The following ACADSB variants were observed in gnomAD, a reference collection of about 807,000 sequenced individuals.
ACADSB encodes acyl-CoA dehydrogenase short/branched chain, also known as short/branched chain specific acyl-CoA dehydrogenase, mitochondrial.
ACADSB carries 40 observed loss-of-function variants against 54.1 expected under a neutral mutation model. That is an observed-to-expected ratio of 0.74 (90% CI 0.57 to 0.96). The LOEUF is 0.96. Among genes scored for constraint, ACADSB ranks in the 40% least tolerant of loss-of-function variants. The pLI, the probability that ACADSB is intolerant of heterozygous loss-of-function variation, is 0.00. For missense variants in ACADSB, 530 were observed against 510.4 expected, an observed-to-expected ratio of 1.04 and a Z score of -0.37; for synonymous variants, 182 against 182.8, an observed-to-expected ratio of 1.00 and a Z score of 0.03.
intron 1 of ACADSB, among the ~76,000 whole-genome samples, chr10:123,025,770 A>G (rs1346277973): frequency 1.3e-5 from 2 of 152,192 alleles, no homozygotes; most frequent in Non-Finnish European, 2.9e-5. Flanking sequence ...AAATATAAGA[A>G]TGCCTGGCCC....
At chr10:123,010,779 A>G (rs1002276627) in intron 1 of ACADSB, among the ~76,000 whole-genome samples, 9 of 152,364 alleles carry the variant, frequency 5.9e-5, no homozygotes, top group African/African-American at 2.2e-4. Context: ...GCCAGATGTA[A>G]TAATGAATAA....
chr10:123,047,712 G>T (rs4447108), intron 8 of ACADSB, among the ~76,000 whole-genome samples: 149,798 of 152,324 alleles, frequency 0.98, 73,714 homozygotes, highest in Middle Eastern at 1. Context: ...ACTTACCCCG[G>T]TTTAAATGAG....
chr10:123,026,037 C>G (rs911140041), intron 1 of ACADSB, among the ~76,000 whole-genome samples: 5 of 151,986 alleles, frequency 3.3e-5, no homozygotes, highest in Non-Finnish European at 7.4e-5. Context: ...CCACTGCACT[C>G]CAGCCTGGGA....
rs35292198 is a variant in ACADSB at position 123,044,201 on chromosome 10, A to G, written c.808-192A>G. Among the ~76,000 whole-genome samples, 877 of 152,348 alleles carry G rather than the reference A, an allele frequency of 5.8e-3. 7 individuals carry two copies. The highest frequency in any genetic ancestry group is 0.01 in the Non-Finnish European group (706 of 68,028). On this transcript the variant is annotated intron_variant, in intron 6 of 10. Coordinates refer to ENST00000358776, the MANE Select transcript of ACADSB (RefSeq NM_001609.4). ...GTGCAAGGCTCTGGAGGATGCAATC[A>G]TGAACAGCATGGACTTGAGTCCTTT...
intron 1 of ACADSB, among the ~76,000 whole-genome samples, chr10:123,024,249 A>G (rs1355510355): frequency 6.6e-6 from 1 of 152,266 alleles, no homozygotes; most frequent in Non-Finnish European, 1.5e-5. Context: ...AGAATTTAGT[A>G]TAAGAAAAGA....
intron 1 of ACADSB, among the ~76,000 whole-genome samples, chr10:123,031,107 C>T (rs1037639060): frequency 5.3e-5 from 8 of 152,110 alleles, no homozygotes; most frequent in African/African-American, 1.9e-4. Flanking sequence ...ATATTTGCAC[C>T]AAATCAATGT....
At chr10:123,032,216 T>C (rs1279223033) in intron 1 of ACADSB, among the ~76,000 whole-genome samples, 1 of 151,978 alleles carries the variant, frequency 6.6e-6, no homozygotes, top group African/African-American at 2.4e-5. Flanking sequence ...CCTGACCTAT[T>C]GATCCACCTG....
At chr10:123,029,269 C>T (rs1850294424) in intron 1 of ACADSB, among the ~76,000 whole-genome samples, 1 of 151,858 alleles carries the variant, frequency 6.6e-6, no homozygotes, top group Non-Finnish European at 1.5e-5. Context: ...TCACTTAAAC[C>T]CAGGAGGTGC....
Position 123,043,083 on chromosome 10 carries a change from A to G in ACADSB, c.719A>G (p.Asp240Gly). Reference sequence around the variant, plus strand: ...ATTACCTCCTTCTTAGTAGATCGTGATACTCCGGGCCTTCATATAGGGAAA... The same window carrying G: ...ATTACCTCCTTCTTAGTAGATCGTGGTACTCCGGGCCTTCATATAGGGAAA... ...KGITSFLVDR[D>G]TPGLHIGKPE... Residue 240 changes from aspartate (D) to glycine (G), a missense_variant, in exon 6 of 11, where the codon GAT becomes GGT. Coordinates refer to ENST00000358776, the MANE Select transcript of ACADSB (RefSeq NM_001609.4). 6.2e-7 allele frequency: 1 copy of G among 1,613,924 alleles called. No individual in the cohort carries two copies. The highest frequency in any genetic ancestry group is 8.5e-7 in the Non-Finnish European group (1 of 1,179,836).
chr10:123,057,601 C>T lies in ACADSB; in HGVS notation c.*3836C>T, dbSNP rs1268059857. On this transcript the variant is annotated 3_prime_UTR_variant, in exon 11 of 11. Transcript: ENST00000358776. ...CTCAGAAGATAAAGAACTATTTGAG[C>T]AGATGTGTGTGGGTGGCACTGGATT... The T allele has an allele frequency of 2.6e-5, 4 of 152,164 alleles. No individual in the cohort carries two copies. The highest frequency in any genetic ancestry group is 9.7e-5 in the African/African-American group (4 of 41,432). The allele number at this position is 152,164 out of a possible 1,614,324, so 9.4% of individuals were successfully genotyped here. A position where few individuals can be genotyped will look rare whatever the true frequency, so the allele number is the denominator to read the frequency against.
At position 123,056,159 on chromosome 10, in the gene ACADSB, C is replaced by A; in HGVS notation, c.*2394C>A. The A allele has an allele frequency of 6.3e-6, 1 of 158,834 alleles. No homozygotes were observed. Among genetic ancestry groups the A allele is most frequent in the South Asian group, 1.9e-4 (1 of 5,256 alleles). 9.8% of individuals were successfully genotyped at this position (158,834 alleles called of 1,614,324 possible). A position where few individuals can be genotyped will look rare whatever the true frequency, so the allele number is the denominator to read the frequency against. On this transcript the variant is annotated 3_prime_UTR_variant, in exon 11 of 11. Coordinates refer to ENST00000358776, the MANE Select transcript of ACADSB (RefSeq NM_001609.4). ...TTTGGCTATCTTTTCAGCAATGCCC[C>A]ACTCTACTGTTAGCAGTTTACTGTA...
chr10:123,041,329 G>A lies in ACADSB; in HGVS notation c.631G>A (p.Ala211Thr), dbSNP rs776586566. 3.1e-6 allele frequency: 5 copies of A among 1,614,092 alleles called. No individual in the cohort carries two copies. The Admixed American group carries it at 5.0e-5, about 16-fold the overall frequency. ...TGGATCAAAGATGTGGATCAGCAGT[G>A]CTGAGCACGCAGGGCTCTTTCTGGT... ...LNGSKMWISS[A>T]EHAGLFLVMA... Residue 211 changes from alanine (A) to threonine (T), a missense_variant, in exon 5 of 11, where the codon GCT (alanine) becomes ACT (threonine). Transcript: ENST00000358776.
At position 123,053,821 on chromosome 10, in the gene ACADSB, TG is replaced by T. The variant is rs1850667500; in HGVS notation, c.*57del. ...TCACTGCTGTAAAATTTTAAACGGT[TG>T]TGTCTTGTTGGGAGTAAGTGCCTTG... On this transcript the variant is annotated 3_prime_UTR_variant, in exon 11 of 11. Coordinates refer to ENST00000358776, the MANE Select transcript of ACADSB (RefSeq NM_001609.4). 6.7e-7 allele frequency: 1 copy of T among 1,487,244 alleles called. No individual in the cohort carries two copies. The highest frequency in any genetic ancestry group is 1.7e-5 in the Admixed American group (1 of 59,766). 92.1% of individuals were successfully genotyped at this position (1,487,244 alleles called of 1,614,324 possible). A position where few individuals can be genotyped will look rare whatever the true frequency, so the allele number is the denominator to read the frequency against.
At chr10:123,041,572 AT>A (rs1850474614) in intron 5 of ACADSB, among the ~76,000 whole-genome samples, 193 bp downstream of exon 5, 1 of 152,182 alleles carries the variant, frequency 6.6e-6, no homozygotes, top group Non-Finnish European at 1.5e-5. Context: ...TGACAAAATT[AT>A]TAATTAGAAT....
At chr10:123,049,148 A>G (rs1369928036) in intron 8 of ACADSB, among the ~76,000 whole-genome samples, 1 of 152,230 alleles carries the variant, frequency 6.6e-6, no homozygotes, top group Admixed American at 6.5e-5. Context: ...CTTAAAAAGC[A>G]ACATTATTAT....
chr10:123,045,131 G>GTA (rs759224009), intron 7 of ACADSB, among the ~76,000 whole-genome samples: 55 of 26,880 alleles, frequency 2.0e-3, no homozygotes, highest in East Asian at 0.018. Flanking sequence ...TTTGTAGAGT[G>GTA]TATATATATA....
intron 3 of ACADSB, among the ~76,000 whole-genome samples, chr10:123,040,194 A>C (rs1850451272): frequency 1.3e-5 from 2 of 151,536 alleles, no homozygotes; most frequent in Admixed American, 1.3e-4. Flanking sequence ...AAAAAAAAAA[A>C]AAAAAAATTA....
At chr10:123,010,843 C>T (rs1850024573) in intron 1 of ACADSB, among the ~76,000 whole-genome samples, 1 of 152,126 alleles carries the variant, frequency 6.6e-6, no homozygotes. Context: ...GAACTATGTG[C>T]AACTAACCCC....
At chr10:123,041,651 A>C (rs1850475331) in intron 5 of ACADSB, among the ~76,000 whole-genome samples, 1 of 152,230 alleles carries the variant, frequency 6.6e-6, no homozygotes, top group Non-Finnish European at 1.5e-5. Flanking sequence ...AAAATTCTGC[A>C]AAGTTCCAAA....
Sources: gnomAD v4.1 joint callset for allele counts (sites outside exome capture counted in the v4.1 genomes callset) on GRCh38, gnomAD v4.1.1 for gene constraint, MANE v1.5 for transcripts, NCBI Gene and HGNC (gene_info 2026-07-23, HGNC 2026-07-21) for gene names.